The following POGK variants were observed in gnomAD, a reference collection of about 807,000 sequenced individuals.
POGK encodes pogo transposable element derived with KRAB domain, also known as pogo transposable element with KRAB domain.
POGK carries 16 observed loss-of-function variants against 54.4 expected under a neutral mutation model. The ratio of observed to expected loss-of-function variants is 0.29; its 90% CI spans 0.20 to 0.45. The LOEUF (loss-of-function observed/expected upper bound fraction) is 0.45, where lower values mean the gene tolerates loss of function less well. Ranked by LOEUF, POGK falls within the 20% of genes least tolerant of loss-of-function variation. The pLI is 1.00. For synonymous variants in POGK, 271 were observed against 302.2 expected, an observed-to-expected ratio of 0.90 and a Z score of 1.07; for missense variants, 515 against 795.6, an observed-to-expected ratio of 0.65 and a Z score of 4.24.
rs1427082090 is a variant in POGK, at chr1:166,856,111, C to G, written c.*3541C>G. On this transcript the variant is annotated 3_prime_UTR_variant, in exon 6 of 6. Transcript: ENST00000367876. Reference sequence around the variant, plus strand: ...CTGGGAGGCCAAGGTGGGCAGACTGCTTGAGCTCAGGAGTTCATTACCAGT... The same window carrying G: ...CTGGGAGGCCAAGGTGGGCAGACTGGTTGAGCTCAGGAGTTCATTACCAGT... 1 of 151,834 alleles carries G rather than the reference C, an allele frequency of 6.6e-6. No individual in the cohort carries two copies. The highest frequency in any genetic ancestry group is 6.6e-5 in the Admixed American group (1 of 15,234). 9.4% of individuals were successfully genotyped at this position (151,834 alleles called of 1,614,324 possible). A position where few individuals can be genotyped will look rare whatever the true frequency, so the allele number is the denominator to read the frequency against.
At chr1:166,841,451 T>C (rs927704672) in intron 2 of POGK, among the ~76,000 whole-genome samples, 5 of 152,154 alleles carry the variant, frequency 3.3e-5, no homozygotes, top group Non-Finnish European at 5.9e-5. Flanking sequence ...TAAATAAGAC[T>C]CGAGTCATTG....
chr1:166,850,416 A>G lies in POGK; in HGVS notation c.*7A>G, dbSNP rs956090413. ...CATGGCTGAGAGCAACTGAAGGGAA[A>G]GGGAAAGGTAACCACTCAGGAGTAG... On this transcript the variant is annotated 3_prime_UTR_variant, in exon 5 of 6. Coordinates refer to ENST00000367876, the MANE Select transcript of POGK (RefSeq NM_017542.5). 3.1e-6 allele frequency: 5 copies of G among 1,595,578 alleles called. No individual in the cohort carries two copies. The African/African-American group carries it at 4.0e-5, about 13-fold the overall frequency.
chr1:166,848,875 A>G (rs1657942810), intron 4 of POGK, 63 bp from the exon 5 acceptor site: 1 of 1,513,258 alleles, frequency 6.6e-7, no homozygotes, highest in African/African-American at 1.4e-5. Context: ...AACCCCCAAA[A>G]ATCAGGGTAT....
intron 1 of POGK, 132 bp from the exon 2 acceptor site, chr1:166,840,818 CTTGTT>C: frequency 1.8e-6 from 2 of 1,117,804 alleles, no homozygotes; most frequent in Non-Finnish European, 2.5e-6. Flanking sequence ...CTGGCCGACT[CTTGTT>C]TCCTTACTTC....
chr1:166,855,667 TAGGA>T lies in POGK; in HGVS notation c.*3099_*3102del, dbSNP rs1301418021. On this transcript the variant is annotated 3_prime_UTR_variant, in exon 6 of 6. Transcript: ENST00000367876. ...TGGTCCCACCAGGTGGGTAGGTGAC[TAGGA>T]ATTCAGGCCAGGTCCTAGAGAGTAG... The T allele has an allele frequency of 6.6e-6, 1 of 152,342 alleles. No individual in the cohort carries two copies. Among genetic ancestry groups the T allele is most frequent in the Non-Finnish European group, 1.5e-5 (1 of 68,174 alleles). 9.4% of individuals were successfully genotyped at this position (152,342 alleles called of 1,614,324 possible).
chr1:166,839,663 C>A (rs1385657431), intron 1 of POGK, 59 bp downstream of exon 1: 1 of 142,422 alleles, frequency 7.0e-6, no homozygotes, highest in Non-Finnish European at 1.5e-5. Context: ...TCCCGGGCGG[C>A]TGGGCCGCGG....
At chr1:166,846,524 G>A (rs930181643) in intron 2 of POGK, 88 bp from the exon 3 acceptor site, 2 of 1,539,816 alleles carry the variant, frequency 1.3e-6, no homozygotes, top group African/African-American at 2.7e-5. Context: ...GACAGGCTGT[G>A]CTGGGCTGTC....
rs1488378690 is a variant in POGK, at chr1:166,854,227, G to A, written c.*1657G>A. The A allele has an allele frequency of 6.6e-6, 1 of 152,578 alleles. No individual in the cohort carries two copies. Among genetic ancestry groups the A allele is most frequent in the Non-Finnish European group, 1.5e-5 (1 of 68,040 alleles). 9.5% of individuals were successfully genotyped at this position (152,578 alleles called of 1,614,324 possible). A position where few individuals can be genotyped will look rare whatever the true frequency, so the allele number is the denominator to read the frequency against. Reference sequence around the variant, plus strand: ...ACCTCTGTGAGTCTCATCATCAGCTGAGCGATGATGCCTTACAGGTTGCAT... The same window carrying A: ...ACCTCTGTGAGTCTCATCATCAGCTAAGCGATGATGCCTTACAGGTTGCAT... On this transcript the variant is annotated 3_prime_UTR_variant, in exon 6 of 6. Coordinates refer to ENST00000367876, the MANE Select transcript of POGK (RefSeq NM_017542.5).
chr1:166,841,158 T>G (rs999226024), intron 2 of POGK, 70 bp downstream of exon 2: 33 of 1,582,040 alleles, frequency 2.1e-5, no homozygotes, highest in Non-Finnish European at 2.8e-5. Flanking sequence ...GCTTTAAGTC[T>G]CCTCCTCAGA....
rs1482384767 is a variant in POGK at position 166,849,914 on chromosome 1, G to C, written c.1335G>C (p.Leu445Phe). 1 of 1,614,148 alleles carries C rather than the reference G, an allele frequency of 6.2e-7. No homozygotes were observed. Among genetic ancestry groups the C allele is most frequent in the African/African-American group, 1.3e-5 (1 of 74,952 alleles). ...GGTATGGGTGGATGACTGAAGACTT[G>C]ATGCAGGACTGGTTGGAAGTGGTGT... ...CHRYGWMTED[L>F]MQDWLEVVWR... The change falls in exon 5 of 6, where the codon TTG (leucine) becomes TTC (phenylalanine). Residue 445 changes from leucine (L) to phenylalanine (F), a missense_variant. By Grantham distance (22) the Leu-to-Phe change is conservative. Transcript: ENST00000367876.
intron 4 of POGK, 99 bp downstream of exon 4, chr1:166,847,691 T>C: frequency 2.3e-6 from 2 of 878,826 alleles, no homozygotes; most frequent in Non-Finnish European, 3.5e-6. Flanking sequence ...GGTAGAAGGA[T>C]TATGGGTTTT....
chr1:166,845,251 G>A (rs1311345957), intron 2 of POGK, among the ~76,000 whole-genome samples: 7 of 152,074 alleles, frequency 4.6e-5, no homozygotes, highest in Middle Eastern at 3.4e-3. Flanking sequence ...CCAGCTACTA[G>A]GGAGGCTGAG....
chr1:166,849,695 G>A lies in POGK; in HGVS notation c.1116G>A (p.Val372=), dbSNP rs1392112727. The A allele has an allele frequency of 6.2e-7, 1 of 1,614,276 alleles. No individual in the cohort carries two copies. The highest frequency in any genetic ancestry group is 2.2e-5 in the East Asian group (1 of 44,876). The part of the protein sequence containing the change: ...NADETPICLE[V]PSRVTVDNQG... ...ATGAGACGCCCATTTGTTTAGAGGT[G>A]CCATCACGGGTAACTGTTGATAACC... is the stretch of plus-strand genomic sequence containing the variant. The change falls in exon 5 of 6, where the codon GTG becomes GTA. Residue 372 remains valine, a synonymous_variant. Coordinates refer to ENST00000367876, the MANE Select transcript of POGK (RefSeq NM_017542.5).
In POGK at chr1:166,854,184, CT is replaced by C. The variant is rs1378930707; in HGVS notation, c.*1615del. On this transcript the variant is annotated 3_prime_UTR_variant, in exon 6 of 6. Transcript: ENST00000367876. The stretch of plus-strand genomic sequence containing the variant: ...GAAGAGTAGAAAATGGGTTCAACTC[CT>C]GTTTCGCTCCACCAACACCTCTGTG... 1 of 152,598 alleles carries C rather than the reference CT, an allele frequency of 6.6e-6. No homozygotes were observed. Among genetic ancestry groups the C allele is most frequent in the African/African-American group, 2.4e-5 (1 of 41,430 alleles). The allele number at this position is 152,598 out of a possible 1,614,324, so 9.5% of individuals were successfully genotyped here. A position where few individuals can be genotyped will look rare whatever the true frequency, so the allele number is the denominator to read the frequency against.
intron 1 of POGK, chr1:166,840,541 C>T (rs750115631): frequency 2.5e-5 from 4 of 159,022 alleles, no homozygotes; most frequent in Non-Finnish European, 4.1e-5. Flanking sequence ...GTTCAGACAC[C>T]TTCACTGATA....
chr1:166,839,922 A>G (rs965474836), intron 1 of POGK, among the ~76,000 whole-genome samples: 4 of 150,196 alleles, frequency 2.7e-5, no homozygotes, highest in African/African-American at 7.3e-5. Context: ...GCGGTGGCGC[A>G]GGCGGGGCAG....
In POGK at chr1:166,841,041, G is replaced by A. The variant is rs140313785; in HGVS notation, c.85G>A (p.Gly29Ser). The change falls in exon 2 of 6, where the codon GGC becomes AGC. Residue 29 changes from glycine (G) to serine (S), a missense_variant. Transcript: ENST00000367876. ...GATTCAGAGCCGGGAACTAGAGGACGGCCCGGCAGACATGCAGAAAGTACG... is the reference window on the plus strand; with the variant it reads ...GATTCAGAGCCGGGAACTAGAGGACAGCCCGGCAGACATGCAGAAAGTACG... ...EEIQSRELED[G>S]PADMQKVRIC... The A allele has an allele frequency of 1.1e-4, 177 of 1,614,092 alleles. No individual in the cohort carries two copies. The East Asian group carries it at 3.9e-3, about 35-fold the overall frequency.
In POGK at chr1:166,849,533, C is replaced by T. The variant is rs1011963569; in HGVS notation, c.954C>T (p.Asp318=). ...GTCGAAGAATGATGAGAAGGTATGA[C>T]CTGTCTCTGAGGCATAAAGTGCCCG... is the stretch of plus-strand genomic sequence containing the variant. ...GWCRRMMRRY[D]LSLRHKVPVP... Residue 318 remains aspartate, a synonymous_variant, in exon 5 of 6, where the codon GAC becomes GAT. Transcript: ENST00000367876. 2 of 1,614,280 alleles carry T rather than the reference C, an allele frequency of 1.2e-6. No homozygotes were observed. The highest frequency in any genetic ancestry group is 1.7e-5 in the Admixed American group (1 of 60,038).
chr1:166,846,329 G>C (rs1468878534), intron 2 of POGK, among the ~76,000 whole-genome samples: 1 of 152,164 alleles, frequency 6.6e-6, no homozygotes, highest in Non-Finnish European at 1.5e-5. Context: ...TCCTCCAACC[G>C]GTGATCATGG....
Sources: allele counts gnomAD v4.1 joint callset (sites outside exome capture counted in the v4.1 genomes callset), GRCh38; gene constraint gnomAD v4.1.1; transcripts MANE v1.5; gene names NCBI Gene and HGNC (gene_info 2026-07-23, HGNC 2026-07-21).